The following KIDINS220 variants were observed in gnomAD, a reference collection of about 807,000 sequenced individuals.
KIDINS220 encodes the protein kinase D-interacting substrate of 220 kDa.
A neutral mutation model predicts 157.6 loss-of-function variants in KIDINS220; 63 were observed. The observed-to-expected ratio is 0.40, with a 90% CI of 0.33 to 0.49. The LOEUF (loss-of-function observed/expected upper bound fraction) is 0.49. KIDINS220 is among the 20% of genes least tolerant of loss of function. The pLI, the probability that KIDINS220 is intolerant of heterozygous loss-of-function variation, is 0.66. For missense variants in KIDINS220, 1,772 were observed against 2,171.2 expected (o/e 0.82, Z 3.65); for synonymous variants, 732 against 783.6 (o/e 0.93, Z 1.10).
chr2:8,824,241 G>A (rs748321775), intron 2 of KIDINS220, among the ~76,000 whole-genome samples: 6 of 152,000 alleles, frequency 3.9e-5, no homozygotes, highest in Non-Finnish European at 8.8e-5. Flanking sequence ...TAATGAAAAT[G>A]AACGAAAACA....
intron 29 of KIDINS220, among the ~76,000 whole-genome samples, chr2:8,732,675 A>G (rs1334198835): frequency 6.6e-6 from 1 of 152,230 alleles, no homozygotes; most frequent in African/African-American, 2.4e-5. Flanking sequence ...AGGCTAAAAC[A>G]AAAAAGAAGG....
chr2:8,768,813 C>T (rs1898576), intron 22 of KIDINS220, among the ~76,000 whole-genome samples: 151,902 of 152,288 alleles, frequency 1, 75,761 homozygotes, highest in Middle Eastern at 1. Context: ...ATCTGGCTTT[C>T]CAATATGTTA....
At chr2:8,826,329 C>T (rs777529273) in intron 2 of KIDINS220, among the ~76,000 whole-genome samples, 1 of 152,120 alleles carries the variant, frequency 6.6e-6, no homozygotes, top group Non-Finnish European at 1.5e-5. Flanking sequence ...GTATTTCAGG[C>T]AGGGCGGGGT....
At chr2:8,738,061 T>G (rs115367879) in intron 26 of KIDINS220, among the ~76,000 whole-genome samples, 2,757 of 152,326 alleles carry the variant, frequency 0.018, 80 homozygotes, top group African/African-American at 0.062. Flanking sequence ...TACAATTGTT[T>G]ACATTTTTTG....
chr2:8,793,745 T>G, intron 12 of KIDINS220, 65 bp downstream of exon 12: 2 of 1,436,950 alleles, frequency 1.4e-6, no homozygotes, highest in Admixed American at 4.7e-5. Context: ...GGCCTTATTT[T>G]CCATATTCTT....
At chr2:8,786,710 A>G (rs1672447744) in intron 15 of KIDINS220, among the ~76,000 whole-genome samples, 1 of 152,216 alleles carries the variant, frequency 6.6e-6, no homozygotes, top group Admixed American at 6.5e-5. Flanking sequence ...ACGTGTCATG[A>G]TGTGGCCACC....
chr2:8,786,244 G>C lies in KIDINS220; in HGVS notation c.1901C>G (p.Thr634Ser), dbSNP rs1390971335. The C allele has an allele frequency of 6.2e-7, 1 of 1,614,066 alleles. No homozygotes were observed. ...ACEREFGFLA[T>S]RLFRVFKTED... ...AGTCTTGAATACTCGAAAAAGCCTGGTTGCCAAAAAGCCAAACTCTCTTTC... is the reference window on the plus strand; with the variant it reads ...AGTCTTGAATACTCGAAAAAGCCTGCTTGCCAAAAAGCCAAACTCTCTTTC... The change falls in exon 16 of 30, where the codon ACC (threonine) becomes AGC (serine). Residue 634 changes from threonine to serine, a missense_variant. Thr to Ser is a moderately conservative substitution (Grantham distance 58). This residue lies in a region of KIDINS220 where 725 missense variants were observed against 1,017.1 expected (regional missense o/e 0.71). Transcript: ENST00000256707.
intron 22 of KIDINS220, among the ~76,000 whole-genome samples, chr2:8,752,920 T>A (rs1033643236): frequency 6.6e-6 from 1 of 152,192 alleles, no homozygotes; most frequent in Non-Finnish European, 1.5e-5. Flanking sequence ...TCAAGCAATA[T>A]GTAAACAATT....
chr2:8,784,301 A>G (rs1247305033), intron 17 of KIDINS220, among the ~76,000 whole-genome samples: 5 of 152,208 alleles, frequency 3.3e-5, no homozygotes, highest in African/African-American at 9.6e-5. Context: ...ACCTAAATGC[A>G]AAAGTATAAA....
chr2:8,748,949 T>C (rs751385406), intron 24 of KIDINS220, among the ~76,000 whole-genome samples: 2 of 152,188 alleles, frequency 1.3e-5, no homozygotes, highest in Non-Finnish European at 2.9e-5. Context: ...TTTCAAATTT[T>C]CAGTTGGTAT....
intron 22 of KIDINS220, among the ~76,000 whole-genome samples, chr2:8,764,272 A>G (rs1419462814): frequency 6.6e-6 from 1 of 152,192 alleles, no homozygotes; most frequent in Non-Finnish European, 1.5e-5. Context: ...GCTAGGGAAA[A>G]AAAACTACAT....
chr2:8,737,815 A>ATT (rs1665091173), intron 26 of KIDINS220, among the ~76,000 whole-genome samples: 1 of 152,234 alleles, frequency 6.6e-6, no homozygotes, highest in Non-Finnish European at 1.5e-5. Flanking sequence ...CAGGACTTTA[A>ATT]AGTCACAGAA....
intron 4 of KIDINS220, among the ~76,000 whole-genome samples, chr2:8,816,410 G>C (rs1224713524): frequency 4.6e-5 from 7 of 152,164 alleles, no homozygotes; most frequent in Non-Finnish European, 8.8e-5. Context: ...TATACATTGA[G>C]AATAAAATCA....
chr2:8,731,527 G>C lies in KIDINS220; in HGVS notation c.4509C>G (p.Phe1503Leu), dbSNP rs758256024. Residue 1503 changes from phenylalanine to leucine, a missense_variant, in exon 30 of 30, where the codon TTC (phenylalanine) becomes TTG (leucine). Physicochemically the swap from Phe to Leu is conservative, Grantham distance 22 (BLOSUM62 0). Around this residue, in one of 3 missense-constraint regions of KIDINS220, gnomAD observed 793 missense variants for 885.5 expected, o/e 0.90. Transcript: ENST00000256707. This position sits in a 1 kb window ranked among gnomAD's most constrained non-coding sequence, Gnocchi z 5.2. ...TTCCCTTAAGCTTCAAATCTGTCTGGAAGAGGCTTGACCTTTCGGAAGATT... is the reference window on the plus strand; with the variant it reads ...TTCCCTTAAGCTTCAAATCTGTCTGCAAGAGGCTTGACCTTTCGGAAGATT... The part of the protein sequence containing the change: ...GKKSSERSSL[F>L]QTDLKLKGSG... 1 of 1,614,188 alleles carries C rather than the reference G, an allele frequency of 6.2e-7. No homozygotes were observed. The highest frequency in any genetic ancestry group is 8.5e-7 in the Non-Finnish European group (1 of 1,180,042).
intron 21 of KIDINS220, among the ~76,000 whole-genome samples, chr2:8,771,963 C>T (rs1217210623): frequency 1.3e-5 from 2 of 151,082 alleles, no homozygotes; most frequent in Non-Finnish European, 2.9e-5. Context: ...AATATAACTA[C>T]TAAAAAGAAA....
chr2:8,812,367 G>A (rs765608906), intron 6 of KIDINS220, 28 bp downstream of exon 6: 2 of 1,324,518 alleles, frequency 1.5e-6, no homozygotes, highest in Non-Finnish European at 2.1e-6. Flanking sequence ...AACATGGACT[G>A]GAACCTGAAA....
intron 5 of KIDINS220, 43 bp downstream of exon 5, chr2:8,813,194 C>T: frequency 1.4e-6 from 2 of 1,396,996 alleles, no homozygotes; most frequent in Non-Finnish European, 2.0e-6. Flanking sequence ...CCTAAGAAAA[C>T]TTACCACTTA....
intron 21 of KIDINS220, among the ~76,000 whole-genome samples, chr2:8,775,432 C>T (rs955581154): frequency 5.3e-5 from 8 of 152,044 alleles, no homozygotes; most frequent in South Asian, 2.1e-4. Context: ...TAACCACCAG[C>T]GCAAAAGGAG....
intron 22 of KIDINS220, among the ~76,000 whole-genome samples, chr2:8,760,849 C>T (rs887690872): frequency 2.6e-5 from 4 of 152,072 alleles, no homozygotes; most frequent in African/African-American, 7.2e-5. Context: ...GAGTACAAGT[C>T]TAAAAAATAG....
Sources: allele counts gnomAD v4.1 joint callset (sites outside exome capture counted in the v4.1 genomes callset), GRCh38; gene constraint gnomAD v4.1.1; regional missense constraint gnomAD v4.1.1; non-coding constraint Gnocchi (gnomAD v3.1); transcripts MANE v1.5; gene names NCBI Gene and HGNC (gene_info 2026-07-23, HGNC 2026-07-21).